UGGT2: variants seen among roughly 807,000 people sequenced by gnomAD.
UGGT2 encodes the protein UDP-glucose glycoprotein glucosyltransferase 2.
In UGGT2, 180 loss-of-function variants were observed where a neutral mutation model predicts 192.1. That is an observed-to-expected ratio of 0.94 (90% confidence interval 0.83 to 1.06). The LOEUF (loss-of-function observed/expected upper bound fraction) is 1.06. UGGT2 is among the 50% of genes least tolerant of loss of function. The pLI is 0.00. For synonymous variants in UGGT2, 580 were observed against 591.0 expected, an observed-to-expected ratio of 0.98 and a Z score of 0.27; for missense variants, 1,849 against 1,795.7, an observed-to-expected ratio of 1.03 and a Z score of -0.54.
rs1179798457 is a variant in UGGT2 at position 95,900,795 on chromosome 13, T to A, written c.2634+12A>T. ...TCACTGAGAAAAGAGAGCAATAGCT[T>A]TTTCTACTTACTCTCCCATTGCTGA... On this transcript the variant is annotated intron_variant, in intron 22 of 38. Transcript: ENST00000376747. 1.3e-5 allele frequency: 21 copies of A among 1,602,334 alleles called. No homozygotes were observed. The highest frequency in any genetic ancestry group is 1.7e-5 in the Non-Finnish European group (20 of 1,175,490).
intron 22 of UGGT2, among the ~76,000 whole-genome samples, chr13:95,897,562 T>G (rs2047982376): frequency 6.6e-6 from 1 of 152,170 alleles, no homozygotes; most frequent in African/African-American, 2.4e-5. Flanking sequence ...TTGAACAGGC[T>G]CAGAATGAAG....
chr13:95,938,179 C>A (rs1240071366), intron 16 of UGGT2, among the ~76,000 whole-genome samples: 2 of 152,174 alleles, frequency 1.3e-5, no homozygotes, highest in Admixed American at 1.3e-4. Context: ...ATTGCCCAGT[C>A]TCAGGTATGT....
chr13:95,981,033 AG>A (rs974955669), intron 10 of UGGT2, among the ~76,000 whole-genome samples: 1 of 152,144 alleles, frequency 6.6e-6, no homozygotes, highest in Non-Finnish European at 1.5e-5. Context: ...ATTTGTGGGC[AG>A]GATGTTTCTT....
At chr13:95,817,830 C>A (rs1885067314) in intron 38 of UGGT2, among the ~76,000 whole-genome samples, 1 of 151,880 alleles carries the variant, frequency 6.6e-6, no homozygotes, top group African/African-American at 2.4e-5. Flanking sequence ...ACATTCATTG[C>A]CCATCATGAA....
intron 30 of UGGT2, among the ~76,000 whole-genome samples, chr13:95,866,704 CAAATT>C (rs1374534359): frequency 6.6e-6 from 1 of 152,012 alleles, no homozygotes; most frequent in Non-Finnish European, 1.5e-5. Context: ...CCTAACCCAT[CAAATT>C]AAATAAAAAT....
chr13:95,835,623 T>C (rs1887196742), intron 37 of UGGT2, among the ~76,000 whole-genome samples: 1 of 152,194 alleles, frequency 6.6e-6, no homozygotes, highest in African/African-American at 2.4e-5. Flanking sequence ...TTTCCTGCTC[T>C]TTTTTGTTCA....
intron 37 of UGGT2, among the ~76,000 whole-genome samples, chr13:95,835,886 A>C (rs954386668): frequency 3.3e-5 from 5 of 152,216 alleles, no homozygotes; most frequent in African/African-American, 1.2e-4. Flanking sequence ...ATAATCTCTT[A>C]AAAATAAGTA....
At chr13:96,030,390 A>G (rs974243187) in intron 2 of UGGT2, among the ~76,000 whole-genome samples, 14 of 152,304 alleles carry the variant, frequency 9.2e-5, no homozygotes, top group Middle Eastern at 3.4e-3. Context: ...CCCATCATCT[A>G]AAGTACCTCC....
chr13:95,991,927 C>G (rs2051470220), intron 7 of UGGT2, among the ~76,000 whole-genome samples: 1 of 152,132 alleles, frequency 6.6e-6, no homozygotes. Context: ...GAGACCGAGG[C>G]AGGCGGATCA....
At chr13:95,847,353 T>C (rs1194608257) in intron 36 of UGGT2, among the ~76,000 whole-genome samples, 5 of 152,174 alleles carry the variant, frequency 3.3e-5, no homozygotes, top group Non-Finnish European at 7.4e-5. Context: ...TCTTTCTTGG[T>C]GTTGTACATT....
chr13:95,836,784 C>T (rs967834311), intron 37 of UGGT2, among the ~76,000 whole-genome samples: 1 of 152,066 alleles, frequency 6.6e-6, no homozygotes, highest in Admixed American at 6.6e-5. Context: ...TTCTCTTTGC[C>T]CCATGTGCCT....
intron 7 of UGGT2, chr13:95,990,624 C>CT (rs973145855): frequency 6.6e-6 from 1 of 152,192 alleles, no homozygotes; most frequent in African/African-American, 2.4e-5. Context: ...CTGTAATCTT[C>CT]TTTCCTCTAT....
chr13:95,854,313 ACC>A lies in UGGT2; in HGVS notation c.4169_4169+1del. On this transcript the variant is annotated splice_donor_variant and coding_sequence_variant, in exon 35 of 39. Coordinates refer to ENST00000376747, the MANE Select transcript of UGGT2 (RefSeq NM_020121.4). LOFTEE classifies it high-confidence loss of function. Reference sequence around the variant, plus strand: ...AAATGGTAAGGGTCTGACTTTTCTTACCTGATATGGTATTTCCGTCTTAAAAG... The same window carrying A: ...AAATGGTAAGGGTCTGACTTTTCTTATGATATGGTATTTCCGTCTTAAAAG... The A allele has an allele frequency of 6.2e-7, 1 of 1,609,140 alleles. No homozygotes were observed. Among genetic ancestry groups the A allele is most frequent in the Non-Finnish European group, 8.5e-7 (1 of 1,178,330 alleles).
At chr13:95,906,670 G>C (rs1040527353) in intron 20 of UGGT2, among the ~76,000 whole-genome samples, 1 of 152,160 alleles carries the variant, frequency 6.6e-6, no homozygotes, top group Admixed American at 6.5e-5. Context: ...AGACACACCA[G>C]TCAAAATGTT....
At chr13:96,006,108 A>C (rs1191727837) in intron 5 of UGGT2, among the ~76,000 whole-genome samples, 1 of 152,248 alleles carries the variant, frequency 6.6e-6, no homozygotes, top group Non-Finnish European at 1.5e-5. Context: ...AATCAGATGT[A>C]AAAAAGAAGT....
At chr13:95,834,557 C>T (rs913052870) in intron 37 of UGGT2, among the ~76,000 whole-genome samples, 1 of 152,130 alleles carries the variant, frequency 6.6e-6, no homozygotes, top group Admixed American at 6.6e-5. Context: ...ATTAGTCATG[C>T]TCTTTTCTTC....
chr13:95,970,333 A>G, intron 11 of UGGT2, 71 bp from the exon 12 acceptor site: 1 of 1,394,796 alleles, frequency 7.2e-7, no homozygotes, highest in East Asian at 2.3e-5. Context: ...AAAGTTTGAT[A>G]GTCTTAAAGC....
At chr13:95,923,044 A>G (rs2048897835) in intron 20 of UGGT2, among the ~76,000 whole-genome samples, 1 of 152,092 alleles carries the variant, frequency 6.6e-6, no homozygotes, top group Non-Finnish European at 1.5e-5. Flanking sequence ...CCTTATATTC[A>G]GTACGTTCTT....
chr13:95,914,681 T>C lies in UGGT2; in HGVS notation c.2295+10999A>G, dbSNP rs558062862. Among the ~76,000 whole-genome samples, 5 of 134,594 alleles carry C rather than the reference T, an allele frequency of 3.7e-5. No individual in the cohort carries two copies. The South Asian group carries it at 1.0e-3, about 28-fold the overall frequency. The allele number at this position is 134,594 out of a possible 152,430, so 88.3% of individuals were successfully genotyped here. On this transcript the variant is annotated intron_variant, in intron 20 of 38. Transcript: ENST00000376747. ...TGGGCGTGGTGATGCACGCCTGTAA[T>C]CCCAACCACATGCGAGGCTGAGGCA...
Sources: allele counts gnomAD v4.1 joint callset (sites outside exome capture counted in the v4.1 genomes callset), GRCh38; gene constraint gnomAD v4.1.1; transcripts MANE v1.5; gene names NCBI Gene and HGNC (gene_info 2026-07-23, HGNC 2026-07-21).